The following CTNNA3 variants were observed in gnomAD, a reference collection of about 807,000 sequenced individuals.
The protein encoded by CTNNA3 is catenin alpha-3.
CTNNA3 carries 76 observed loss-of-function variants against 95.7 expected under a neutral mutation model. The ratio of observed to expected loss-of-function variants is 0.79; its 90% confidence interval spans 0.66 to 0.96. The LOEUF (loss-of-function observed/expected upper bound fraction) is 0.96, where lower values mean the gene tolerates loss of function less well. Among genes scored for constraint, CTNNA3 ranks in the 40% least tolerant of loss-of-function variants. CTNNA3 has a pLI of 0.00. For synonymous variants in CTNNA3, 431 were observed against 374.4 expected (o/e 1.15, Z -1.74); for missense variants, 1,191 against 1,089.8 (o/e 1.09, Z -1.31).
intron 12 of CTNNA3, among the ~76,000 whole-genome samples, chr10:66,358,864 T>C (rs1325211065): frequency 6.6e-6 from 1 of 152,210 alleles, no homozygotes; most frequent in African/African-American, 2.4e-5. Context: ...TACCTGGTCT[T>C]CTCTGACCTA....
intron 13 of CTNNA3, among the ~76,000 whole-genome samples, chr10:66,205,638 A>G (rs1057116101): frequency 6.6e-6 from 1 of 152,050 alleles, no homozygotes; most frequent in Admixed American, 6.6e-5. Context: ...AAACAGTTAT[A>G]GGTACAATTT....
intron 9 of CTNNA3, among the ~76,000 whole-genome samples, chr10:66,663,224 CT>C (rs1846324145): frequency 6.6e-6 from 1 of 152,090 alleles, no homozygotes; most frequent in South Asian, 2.1e-4. Flanking sequence ...ATGATTCCCC[CT>C]TTTTTCAGAA....
At chr10:66,467,062 A>G (rs746399651) in intron 11 of CTNNA3, among the ~76,000 whole-genome samples, 1 of 152,090 alleles carries the variant, frequency 6.6e-6, no homozygotes, top group Admixed American at 6.6e-5. Context: ...TTACTAACTG[A>G]AGAAATAAAT....
chr10:66,861,001 A>T (rs990438963), intron 7 of CTNNA3, among the ~76,000 whole-genome samples: 4 of 152,192 alleles, frequency 2.6e-5, no homozygotes, highest in African/African-American at 4.8e-5. Context: ...GGGGGAGGCC[A>T]GGGATACCCT....
intron 7 of CTNNA3, among the ~76,000 whole-genome samples, chr10:66,978,960 C>CTTTTTTT (rs34112681): frequency 9.5e-5 from 8 of 83,792 alleles, no homozygotes; most frequent in Admixed American, 1.8e-4. Flanking sequence ...TACTTATTTC[C>CTTTTTTT]TTTTTTTTTT....
chr10:65,960,157 A>T (rs1027174196), intron 17 of CTNNA3, among the ~76,000 whole-genome samples: 41 of 152,302 alleles, frequency 2.7e-4, no homozygotes, highest in Middle Eastern at 6.8e-3. Flanking sequence ...TCAGCAAGAA[A>T]TTCTTCAACC....
intron 11 of CTNNA3, among the ~76,000 whole-genome samples, chr10:66,440,341 T>C (rs2456668): frequency 0.38 from 58,093 of 151,944 alleles, 11,681 homozygotes; most frequent in African/African-American, 0.5. Flanking sequence ...GATTTGCCTA[T>C]TTTTCTAGTG....
At chr10:66,323,791 T>C (rs549304517) in intron 12 of CTNNA3, among the ~76,000 whole-genome samples, 1 of 152,066 alleles carries the variant, frequency 6.6e-6, no homozygotes, top group South Asian at 2.1e-4. Flanking sequence ...GCCTGCCATG[T>C]CCCTATCCTG....
intron 5 of CTNNA3, among the ~76,000 whole-genome samples, chr10:67,390,892 G>C (rs1168464999): frequency 5.3e-5 from 8 of 150,156 alleles, no homozygotes; most frequent in Non-Finnish European, 1.2e-4. Flanking sequence ...ATTAGGTATT[G>C]ATGGGACGTA....
intron 7 of CTNNA3, among the ~76,000 whole-genome samples, chr10:66,895,158 A>G (rs1008183209): frequency 1.3e-5 from 2 of 151,800 alleles, no homozygotes; most frequent in Non-Finnish European, 2.9e-5. Flanking sequence ...AGAAGGGTCT[A>G]GAACTAAATA....
intron 13 of CTNNA3, among the ~76,000 whole-genome samples, chr10:66,146,890 A>G (rs1457562158): frequency 2.0e-5 from 3 of 152,154 alleles, no homozygotes; most frequent in Admixed American, 6.5e-5. Flanking sequence ...TACTTAGGAG[A>G]TCTGATAGAG....
At chr10:67,248,837 A>G (rs796518638) in intron 5 of CTNNA3, among the ~76,000 whole-genome samples, 66 of 152,324 alleles carry the variant, frequency 4.3e-4, no homozygotes, top group African/African-American at 1.4e-3. Context: ...CAACCTATTT[A>G]TGCCTAGTGT....
intron 14 of CTNNA3, among the ~76,000 whole-genome samples, chr10:66,081,122 A>AG: frequency 6.6e-6 from 1 of 152,298 alleles, no homozygotes; most frequent in South Asian, 2.1e-4. Context: ...GTCAGAAGTC[A>AG]ACCAATGAAC....
At chr10:66,553,081 T>C (rs1842269763) in intron 10 of CTNNA3, among the ~76,000 whole-genome samples, 1 of 152,028 alleles carries the variant, frequency 6.6e-6, no homozygotes, top group Non-Finnish European at 1.5e-5. Context: ...TTCTATTTTC[T>C]CTATACTAGC....
intron 14 of CTNNA3, among the ~76,000 whole-genome samples, chr10:66,082,955 C>T: frequency 6.6e-6 from 1 of 152,112 alleles, no homozygotes; most frequent in East Asian, 1.9e-4. Flanking sequence ...ATTCATCCAT[C>T]AGAGTCTCAT....
At chr10:66,374,198 C>T (rs2092775789) in intron 12 of CTNNA3, among the ~76,000 whole-genome samples, 1 of 152,122 alleles carries the variant, frequency 6.6e-6, no homozygotes, top group South Asian at 2.1e-4. Flanking sequence ...AAGGACATTA[C>T]AATCTAGTGG....
chr10:66,473,917 G>A (rs994755843), intron 11 of CTNNA3, among the ~76,000 whole-genome samples: 7 of 152,082 alleles, frequency 4.6e-5, no homozygotes, highest in African/African-American at 1.7e-4. Flanking sequence ...GTCTATCATT[G>A]TTGGACATTT....
At chr10:67,323,260 G>A (rs1229711160) in intron 5 of CTNNA3, among the ~76,000 whole-genome samples, 2 of 152,054 alleles carry the variant, frequency 1.3e-5, no homozygotes, top group Non-Finnish European at 2.9e-5. Flanking sequence ...TGTTGCAATT[G>A]CTTTTGGTGT....
intron 13 of CTNNA3, among the ~76,000 whole-genome samples, chr10:66,251,160 G>A (rs919417774): frequency 2.0e-5 from 3 of 152,178 alleles, no homozygotes; most frequent in Non-Finnish European, 2.9e-5. Flanking sequence ...AGGCTCTCCA[G>A]AAAGAGTATT....
Sources: allele counts gnomAD v4.1 joint callset (sites outside exome capture counted in the v4.1 genomes callset), GRCh38; gene constraint gnomAD v4.1.1; transcripts MANE v1.5; gene names NCBI Gene and HGNC (gene_info 2026-07-23, HGNC 2026-07-21).